RNLS: variants seen among roughly 807,000 people sequenced by gnomAD.
RNLS encodes the protein renalase.
In RNLS, 39 loss-of-function variants were observed where a neutral mutation model predicts 39.8. The observed-to-expected ratio is 0.98, with a 90% CI of 0.76 to 1.28. The LOEUF is 1.28. RNLS is among the 50% of genes most tolerant of loss of function. The pLI, the probability that RNLS is intolerant of heterozygous loss-of-function variation, is 0.00. For missense variants in RNLS, 410 were observed against 413.3 expected, an observed-to-expected ratio of 0.99 and a Z score of 0.07; for synonymous variants, 147 against 150.7, an observed-to-expected ratio of 0.98 and a Z score of 0.18.
At chr10:88,476,721 T>C (rs1843842654) in intron 4 of RNLS, among the ~76,000 whole-genome samples, 1 of 152,152 alleles carries the variant, frequency 6.6e-6, no homozygotes, top group South Asian at 2.1e-4. Flanking sequence ...CAAAAATATA[T>C]GTATTTAGCA....
At chr10:88,374,998 C>G (rs1850863235) in intron 4 of RNLS, among the ~76,000 whole-genome samples, 1 of 152,122 alleles carries the variant, frequency 6.6e-6, no homozygotes. Flanking sequence ...TTTCAGTTAA[C>G]AGCTCACTAC....
chr10:88,517,568 T>C (rs1293801981), intron 4 of RNLS, among the ~76,000 whole-genome samples: 1 of 151,904 alleles, frequency 6.6e-6, no homozygotes, highest in Non-Finnish European at 1.5e-5. Flanking sequence ...CATAAATACA[T>C]AACGGTTGAT....
intron 4 of RNLS, among the ~76,000 whole-genome samples, chr10:88,530,141 G>A (rs1847330926): frequency 6.6e-6 from 1 of 152,250 alleles, no homozygotes; most frequent in East Asian, 1.9e-4. Flanking sequence ...AGGCCTTTAA[G>A]GCAAGTGACT....
intron 4 of RNLS, among the ~76,000 whole-genome samples, chr10:88,483,664 C>T (rs1272369241): frequency 6.6e-6 from 1 of 151,870 alleles, no homozygotes; most frequent in African/African-American, 2.4e-5. Flanking sequence ...TCTCAAAGAC[C>T]AAATGCCATT....
chr10:88,323,086 A>G (rs546972911), intron 5 of RNLS, among the ~76,000 whole-genome samples: 1 of 152,308 alleles, frequency 6.6e-6, no homozygotes, highest in African/African-American at 2.4e-5. Flanking sequence ...ATAAGGTAAA[A>G]GATCTATACA....
At chr10:88,555,056 G>C (rs1314643392) in intron 4 of RNLS, among the ~76,000 whole-genome samples, 2 of 152,026 alleles carry the variant, frequency 1.3e-5, no homozygotes, top group Non-Finnish European at 2.9e-5. Context: ...TATATGTAAG[G>C]CATAGATATA....
chr10:88,339,119 TG>T (rs1055115236), intron 5 of RNLS, among the ~76,000 whole-genome samples: 2 of 152,060 alleles, frequency 1.3e-5, no homozygotes, highest in Non-Finnish European at 2.9e-5. Flanking sequence ...GACATGGTGG[TG>T]GCTGTGGAAT....
At chr10:88,498,334 C>T (rs531776127) in intron 4 of RNLS, among the ~76,000 whole-genome samples, 39 of 151,438 alleles carry the variant, frequency 2.6e-4, no homozygotes, top group African/African-American at 9.4e-4. Context: ...AAATGAAGGG[C>T]AACTTTGGAT....
At chr10:88,319,538 A>G (rs1452643030) in intron 5 of RNLS, among the ~76,000 whole-genome samples, 2 of 152,078 alleles carry the variant, frequency 1.3e-5, no homozygotes, top group Non-Finnish European at 2.9e-5. Context: ...AACCAGAAAA[A>G]CAATTCAGGC....
the RNLS span, among the ~76,000 whole-genome samples, chr10:88,244,273 C>T: frequency 6.6e-6 from 1 of 152,220 alleles, no homozygotes; most frequent in East Asian, 1.9e-4. Context: ...CTCCCTCCTC[C>T]TCCTTGTTCC....
At chr10:88,233,676 G>C in the RNLS span, among the ~76,000 whole-genome samples, 1 of 152,118 alleles carries the variant, frequency 6.6e-6, no homozygotes. Flanking sequence ...ATTTTTACTT[G>C]CTAAATCTAG....
Position 88,581,622 on chromosome 10 carries a change from G to C in RNLS, c.312C>G (p.Asn104Lys). ...AAGAAATTCCTTGAGGTGCCACAAA[G>C]TTACAGTCTCCTTCTTTCATCACCA... ...EGMVMKEGDC[N>K]FVAPQGISSI... The change falls in exon 3 of 7, where the codon AAC becomes AAG. Residue 104 changes from asparagine (N) to lysine (K), a missense_variant. Transcript: ENST00000331772. 2 of 1,609,614 alleles carry C rather than the reference G, an allele frequency of 1.2e-6. No homozygotes were observed. Among genetic ancestry groups the C allele is most frequent in the Middle Eastern group, 1.7e-4 (1 of 6,042 alleles).
intron 4 of RNLS, among the ~76,000 whole-genome samples, chr10:88,498,273 C>A (rs1330769493): frequency 6.6e-6 from 1 of 151,550 alleles, no homozygotes; most frequent in Non-Finnish European, 1.5e-5. Context: ...TAACATCTGG[C>A]TCAAAAATGC....
chr10:88,564,818 T>C (rs1849405801), intron 4 of RNLS, among the ~76,000 whole-genome samples: 1 of 152,172 alleles, frequency 6.6e-6, no homozygotes, highest in Admixed American at 6.5e-5. Flanking sequence ...GGAAGTTTAA[T>C]AAATGTAATA....
intron 4 of RNLS, among the ~76,000 whole-genome samples, chr10:88,506,910 C>A (rs909538630): frequency 1.3e-5 from 2 of 152,172 alleles, no homozygotes; most frequent in African/African-American, 2.4e-5. Flanking sequence ...TGGTCACTTA[C>A]TGAGCTCTGA....
chr10:88,204,459 T>C, the RNLS span, among the ~76,000 whole-genome samples: 3 of 152,160 alleles, frequency 2.0e-5, no homozygotes, highest in Admixed American at 2.0e-4. Context: ...ATGACTTCTA[T>C]ATTTGTTTCA....
intron 4 of RNLS, among the ~76,000 whole-genome samples, chr10:88,431,649 C>T (rs1855138134): frequency 6.6e-6 from 1 of 151,564 alleles, no homozygotes. Flanking sequence ...TAGCAGTATC[C>T]CAGAAATTCT....
chr10:88,445,901 TCAA>T (rs765587651), intron 4 of RNLS, among the ~76,000 whole-genome samples: 370 of 152,268 alleles, frequency 2.4e-3, no homozygotes, highest in Admixed American at 4.2e-3. Flanking sequence ...ATTAGACAGA[TCAA>T]CAAGACAGAA....
At chr10:88,236,128 T>C in the RNLS span, among the ~76,000 whole-genome samples, 1 of 152,258 alleles carries the variant, frequency 6.6e-6, no homozygotes, top group Admixed American at 6.5e-5. Context: ...TAAAATATTC[T>C]GAAGAAACCA....
Sources: allele counts gnomAD v4.1 joint callset (sites outside exome capture counted in the v4.1 genomes callset), GRCh38; gene constraint gnomAD v4.1.1; transcripts MANE v1.5; gene names NCBI Gene and HGNC (gene_info 2026-07-23, HGNC 2026-07-21).